EYS: variants seen among roughly 807,000 people sequenced by gnomAD.
EYS encodes protein eyes shut homolog.
In EYS, 250 loss-of-function variants were observed where a neutral mutation model predicts 282.1. The ratio of observed to expected loss-of-function variants is 0.89; its 90% CI spans 0.80 to 0.98. The LOEUF (loss-of-function observed/expected upper bound fraction) is 0.98, where lower values mean the gene tolerates loss of function less well. Ranked by LOEUF, EYS falls within the 50% of genes least tolerant of loss-of-function variation. EYS has a pLI of 0.00. For missense variants in EYS, 4,016 were observed against 3,709.0 expected (o/e 1.08, Z -2.15); for synonymous variants, 1,355 against 1,282.9 (o/e 1.06, Z -1.20).
At chr6:64,537,735 C>A (rs1317226088) in intron 26 of EYS, among the ~76,000 whole-genome samples, 1 of 152,130 alleles carries the variant, frequency 6.6e-6, no homozygotes, top group East Asian at 1.9e-4. Context: ...GTTATTTTAA[C>A]TTTCATTTCT....
At chr6:64,770,919 T>C (rs977086110) in intron 22 of EYS, among the ~76,000 whole-genome samples, 3 of 151,816 alleles carry the variant, frequency 2.0e-5, no homozygotes, top group Non-Finnish European at 2.9e-5. Flanking sequence ...GAATAAATAC[T>C]TTTTTGATCA....
rs547862022 is a variant in EYS, at chr6:65,520,847, G to T, written c.-332-24854C>A. Among the ~76,000 whole-genome samples the T allele has an allele frequency of 8.5e-5, 13 of 152,094 alleles. No individual in the cohort carries two copies. In the South Asian group the frequency reaches 2.3e-3, roughly 27 times the overall value. Reference sequence around the variant, plus strand: ...ATAAATCATGGATTTTACAGAGTGAGAATTTCATTGGACGAAGGGTAGTCC... The same window carrying T: ...ATAAATCATGGATTTTACAGAGTGATAATTTCATTGGACGAAGGGTAGTCC... On this transcript the variant is annotated intron_variant, in intron 2 of 42. Coordinates refer to ENST00000503581, the MANE Select transcript of EYS (RefSeq NM_001142800.2).
At chr6:63,862,282 G>T (rs1439009948) in intron 36 of EYS, among the ~76,000 whole-genome samples, 1 of 152,070 alleles carries the variant, frequency 6.6e-6, no homozygotes, top group Admixed American at 6.6e-5. Context: ...TAGAAGGTAA[G>T]CTCTGTAAGG....
intron 31 of EYS, among the ~76,000 whole-genome samples, chr6:64,092,395 A>G (rs1342383903): frequency 1.3e-5 from 2 of 152,168 alleles, no homozygotes; most frequent in Admixed American, 6.5e-5. Context: ...CTATTTCTCC[A>G]CATCCTCTCC....
chr6:63,879,401 G>T (rs1399692361), intron 35 of EYS, among the ~76,000 whole-genome samples: 4 of 152,096 alleles, frequency 2.6e-5, no homozygotes, highest in African/African-American at 9.7e-5. Flanking sequence ...GAGAGAGGGA[G>T]AGGCTACTGA....
At chr6:65,267,573 T>C (rs1283522346) in intron 12 of EYS, among the ~76,000 whole-genome samples, 1 of 152,030 alleles carries the variant, frequency 6.6e-6, no homozygotes, top group Non-Finnish European at 1.5e-5. Context: ...ATGTTCTTTT[T>C]AATACCTCTC....
intron 5 of EYS, among the ~76,000 whole-genome samples, chr6:65,443,514 CATGT>C (rs1237338395): frequency 1.3e-5 from 2 of 151,546 alleles, no homozygotes; most frequent in Non-Finnish European, 3.0e-5. Flanking sequence ...TGTATAGACA[CATGT>C]ATGTATATAC....
intron 26 of EYS, among the ~76,000 whole-genome samples, chr6:64,461,687 A>G (rs1775754914): frequency 6.6e-6 from 1 of 152,184 alleles, no homozygotes; most frequent in Non-Finnish European, 1.5e-5. Flanking sequence ...CGAGAGCAAT[A>G]ATTTTCACAG....
At chr6:65,411,778 T>C (rs1332358885) in intron 5 of EYS, among the ~76,000 whole-genome samples, 1 of 151,962 alleles carries the variant, frequency 6.6e-6, no homozygotes, top group Non-Finnish European at 1.5e-5. Context: ...TATAATGCCC[T>C]TGAGATACAT....
At chr6:64,463,717 GAA>G (rs1285195273) in intron 26 of EYS, among the ~76,000 whole-genome samples, 3 of 152,024 alleles carry the variant, frequency 2.0e-5, no homozygotes, top group Admixed American at 6.6e-5. Context: ...AATCAAAAAT[GAA>G]AAAGACACAT....
intron 22 of EYS, among the ~76,000 whole-genome samples, chr6:64,798,607 GTTTTT>G (rs57597318): frequency 9.4e-6 from 1 of 106,810 alleles, no homozygotes. Flanking sequence ...TTTGTTTCTG[GTTTTT>G]TTTTTTTTTT....
intron 31 of EYS, among the ~76,000 whole-genome samples, chr6:64,200,364 T>C (rs1278456395): frequency 6.6e-6 from 1 of 152,168 alleles, no homozygotes; most frequent in Non-Finnish European, 1.5e-5. Context: ...TATTTATTCA[T>C]CAGTTATAAT....
At chr6:65,529,366 T>C (rs1048494800) in intron 2 of EYS, among the ~76,000 whole-genome samples, 17 of 152,154 alleles carry the variant, frequency 1.1e-4, no homozygotes, top group African/African-American at 4.1e-4. Context: ...TGGGCTCAGA[T>C]GAATTACCAA....
intron 13 of EYS, among the ~76,000 whole-genome samples, chr6:65,037,081 T>A (rs1389199057): frequency 6.6e-6 from 1 of 151,798 alleles, no homozygotes; most frequent in Non-Finnish European, 1.5e-5. Context: ...AATGGTGGAG[T>A]GAATAAAGAA....
intron 37 of EYS, among the ~76,000 whole-genome samples, chr6:63,802,122 C>T (rs563505672): frequency 9.9e-5 from 15 of 152,166 alleles, no homozygotes; most frequent in South Asian, 4.2e-4. Flanking sequence ...TTAATAATAA[C>T]GATATGTTTT....
chr6:65,652,951 T>C (rs1190202930), intron 1 of EYS, among the ~76,000 whole-genome samples: 1 of 151,800 alleles, frequency 6.6e-6, no homozygotes, highest in Non-Finnish European at 1.5e-5. Context: ...AAGCCAAATA[T>C]CTCCCAGTAG....
Position 65,022,900 on chromosome 6 carries a change from A to C in EYS, c.2138-25197T>G, listed in dbSNP as rs57945030. Among the ~76,000 whole-genome samples, 973 of 152,038 alleles carry C rather than the reference A, an allele frequency of 6.4e-3. 18 individuals carry two copies. The highest frequency in any genetic ancestry group is 0.021 in the African/African-American group (874 of 41,522). Reference sequence around the variant, plus strand: ...TATCAAGGTTTTTATATACTATTGAAATTGTTAACATTAATTTGAAAGAAG... The same window carrying C: ...TATCAAGGTTTTTATATACTATTGACATTGTTAACATTAATTTGAAAGAAG... On this transcript the variant is annotated intron_variant, in intron 13 of 42. Transcript: ENST00000503581.
intron 22 of EYS, among the ~76,000 whole-genome samples, chr6:64,754,920 C>A (rs1772884316): frequency 6.6e-6 from 1 of 152,004 alleles, no homozygotes; most frequent in African/African-American, 2.4e-5. Flanking sequence ...CTATTCAACA[C>A]AATAATGGAA....
intron 12 of EYS, among the ~76,000 whole-genome samples, chr6:65,214,030 G>A (rs1321839663): frequency 6.6e-6 from 1 of 151,692 alleles, no homozygotes; most frequent in East Asian, 2.0e-4. Flanking sequence ...ATGGTGGCGG[G>A]TGCCTGTAGT....
Sources: allele counts gnomAD v4.1 joint callset (sites outside exome capture counted in the v4.1 genomes callset), GRCh38; gene constraint gnomAD v4.1.1; transcripts MANE v1.5; gene names NCBI Gene and HGNC (gene_info 2026-07-23, HGNC 2026-07-21).